The following SESN1 variants were observed in gnomAD, a reference collection of about 807,000 sequenced individuals.
SESN1 encodes the protein sestrin-1.
Under a neutral mutation model 59.3 loss-of-function variants are expected in SESN1, and 30 were observed. The observed-to-expected ratio is 0.51, with a 90% CI of 0.38 to 0.69. The LOEUF is 0.69. Ranked by LOEUF, SESN1 falls within the 30% of genes least tolerant of loss-of-function variation. The pLI, the probability that SESN1 is intolerant of heterozygous loss-of-function variation, is 0.00. For synonymous variants in SESN1, 197 were observed against 219.9 expected, an observed-to-expected ratio of 0.90 and a Z score of 0.92; for missense variants, 566 against 673.0, an observed-to-expected ratio of 0.84 and a Z score of 1.76.
At chr6:108,991,073 A>AC (rs1554262617) in intron 7 of SESN1, among the ~76,000 whole-genome samples, 7 of 149,956 alleles carry the variant, frequency 4.7e-5, no homozygotes, top group Non-Finnish European at 1.0e-4. Context: ...TCTCAAAAAA[A>AC]AACAACAACA....
intron 1 of SESN1, among the ~76,000 whole-genome samples, chr6:109,040,787 G>A (rs1212264264): frequency 6.6e-6 from 1 of 151,720 alleles, no homozygotes; most frequent in African/African-American, 2.4e-5. Flanking sequence ...TGAGTAGCTG[G>A]AACTACAGGT....
chr6:109,080,561 T>C (rs1781104461), intron 1 of SESN1, among the ~76,000 whole-genome samples: 1 of 152,218 alleles, frequency 6.6e-6, no homozygotes. Flanking sequence ...AAGAACTTGA[T>C]ATGCAACTTA....
chr6:109,009,042 G>C, intron 1 of SESN1: 1 of 977,368 alleles, frequency 1.0e-6, no homozygotes. Flanking sequence ...TTGTCCAGAC[G>C]ACAATGTTAT....
chr6:109,039,367 C>A (rs148570067), intron 1 of SESN1, among the ~76,000 whole-genome samples: 1 of 152,170 alleles, frequency 6.6e-6, no homozygotes, highest in African/African-American at 2.4e-5. Flanking sequence ...ACATGATTAA[C>A]TGAGAATTTT....
chr6:109,037,835 A>AT (rs1409218373), intron 1 of SESN1, among the ~76,000 whole-genome samples: 1 of 152,002 alleles, frequency 6.6e-6, no homozygotes. Context: ...TTCCTCAGAG[A>AT]TAAAAATAGT....
Position 108,985,898 on chromosome 6 carries a change from ACT to A in SESN1, c.*1644_*1645del, listed in dbSNP as rs1329036129. On this transcript the variant is annotated 3_prime_UTR_variant, in exon 10 of 10. Coordinates refer to ENST00000436639, the MANE Select transcript of SESN1 (RefSeq NM_014454.3). ...TATAAAACATATTGAAGATAATAAT[ACT>A]CTATTCCTAGCTAAGGTTATAGTCT... 6.6e-6 allele frequency among the ~76,000 whole-genome samples: 1 copy of A among 152,160 alleles called. No homozygotes were observed. Among genetic ancestry groups the A allele is most frequent in the East Asian group, 1.9e-4 (1 of 5,192 alleles).
intron 1 of SESN1, among the ~76,000 whole-genome samples, chr6:109,084,529 G>C (rs927602341): frequency 6.6e-6 from 1 of 151,788 alleles, no homozygotes; most frequent in Non-Finnish European, 1.5e-5. Context: ...CTCCAGCCTG[G>C]GCAACAAGAG....
intron 1 of SESN1, among the ~76,000 whole-genome samples, chr6:109,063,241 T>C (rs1298605882): frequency 1.3e-5 from 2 of 149,428 alleles, no homozygotes; most frequent in Non-Finnish European, 3.0e-5. Context: ...AGAGGGAAAC[T>C]GCCAACATAG....
intron 1 of SESN1, among the ~76,000 whole-genome samples, chr6:109,074,938 G>A (rs1781007371): frequency 6.6e-6 from 1 of 152,210 alleles, no homozygotes; most frequent in Non-Finnish European, 1.5e-5. Context: ...AGTCATGGAG[G>A]AAAGGAAGAA....
At chr6:109,068,258 G>T (rs905371986) in intron 1 of SESN1, among the ~76,000 whole-genome samples, 2 of 152,142 alleles carry the variant, frequency 1.3e-5, no homozygotes, top group Non-Finnish European at 2.9e-5. Context: ...GATCCTGGCT[G>T]ATTCAGCAGG....
Position 108,988,667 on chromosome 6 carries a change from CCATAGT to C in SESN1, c.1439_1444del (p.Asp480_Tyr481del). On this transcript the variant is annotated inframe_deletion, in exon 9 of 10. Transcript: ENST00000436639. The stretch of plus-strand genomic sequence containing the variant: ...ACGATCCAATAGCTGGTTAATTTCA[CCATAGT>C]CATAATCATCATATCTGTTGAAAGA... 1 of 1,608,868 alleles carries C rather than the reference CCATAGT, an allele frequency of 6.2e-7. No individual in the cohort carries two copies. Among genetic ancestry groups the C allele is most frequent in the Non-Finnish European group, 8.5e-7 (1 of 1,177,438 alleles).
chr6:109,017,993 C>A (rs981998705), intron 1 of SESN1, among the ~76,000 whole-genome samples: 1 of 152,106 alleles, frequency 6.6e-6, no homozygotes, highest in African/African-American at 2.4e-5. Flanking sequence ...ATGGCGAGAA[C>A]CCTGTCTCTT....
chr6:109,019,272 A>C (rs1322010679), intron 1 of SESN1, among the ~76,000 whole-genome samples: 1 of 152,228 alleles, frequency 6.6e-6, no homozygotes, highest in Non-Finnish European at 1.5e-5. Flanking sequence ...GGAGGATCCA[A>C]GCTAGTCTGT....
intron 1 of SESN1, among the ~76,000 whole-genome samples, chr6:109,046,100 GCCCTCT>G (rs113033876): frequency 3.9e-5 from 6 of 151,924 alleles, no homozygotes; most frequent in South Asian, 2.1e-4. Context: ...TGTAGCTCTA[GCCCTCT>G]CCCTCTCCCT....
intron 1 of SESN1, among the ~76,000 whole-genome samples, chr6:109,026,053 TA>T: frequency 6.6e-6 from 1 of 151,894 alleles, no homozygotes; most frequent in Non-Finnish European, 1.5e-5. Context: ...AAAGAGATCT[TA>T]AAGTCCATGA....
chr6:109,014,282 A>G (rs1779901353), intron 1 of SESN1, among the ~76,000 whole-genome samples: 1 of 152,242 alleles, frequency 6.6e-6, no homozygotes. Flanking sequence ...GCTGATAATA[A>G]TAAGACCAGT....
intron 1 of SESN1, among the ~76,000 whole-genome samples, chr6:109,024,937 A>C (rs1780066683): frequency 6.6e-6 from 1 of 152,248 alleles, no homozygotes; most frequent in African/African-American, 2.4e-5. Context: ...AAATGGCCGA[A>C]CTGGCAAAGT....
intron 1 of SESN1, among the ~76,000 whole-genome samples, chr6:109,017,293 T>C (rs934649019): frequency 6.6e-6 from 1 of 152,168 alleles, no homozygotes; most frequent in African/African-American, 2.4e-5. Flanking sequence ...GTCAAATTTA[T>C]GCATTTCTTT....
chr6:108,989,574 T>G (rs1779315559), intron 8 of SESN1, among the ~76,000 whole-genome samples: 1 of 151,262 alleles, frequency 6.6e-6, no homozygotes, highest in Non-Finnish European at 1.5e-5. Flanking sequence ...GATCTAGAGA[T>G]ATCTATATAT....
Sources: allele counts gnomAD v4.1 joint callset (sites outside exome capture counted in the v4.1 genomes callset), GRCh38; gene constraint gnomAD v4.1.1; transcripts MANE v1.5; gene names NCBI Gene and HGNC (gene_info 2026-07-23, HGNC 2026-07-21).